Variants in TCF20 observed in about 807,000 individuals in gnomAD.
The protein encoded by TCF20 is transcription factor 20, also known as SPRE-binding protein.
In TCF20, 3 loss-of-function variants were observed where a neutral mutation model predicts 148.6. The ratio of observed to expected loss-of-function variants is 0.02; its 90% CI spans 0.01 to 0.05. The LOEUF (loss-of-function observed/expected upper bound fraction) is 0.05, where lower values mean the gene tolerates loss of function less well. TCF20 is among the 10% of genes least tolerant of loss of function. The pLI, the probability that TCF20 is intolerant of heterozygous loss-of-function variation, is 1.00. For missense variants in TCF20, 2,350 were observed against 2,429.3 expected (o/e 0.97, Z 0.69); for synonymous variants, 1,049 against 909.5 (o/e 1.15, Z -2.76).
Position 42,314,343 on chromosome 22 carries a change from G to A in TCF20, c.-37+29136C>T, listed in dbSNP as rs541074203. ...TTGACACGGACCAGCTGCCGCTGCC[G>A]GGGGACAGGCTGCCAGAGCGCCGAT... On this transcript the variant is annotated intron_variant, in intron 1 of 1. Transcript: ENST00000515426. Among the ~76,000 whole-genome samples, 18 of 152,376 alleles carry A rather than the reference G, an allele frequency of 1.2e-4. No homozygotes were observed. In the South Asian group the frequency reaches 2.7e-3, roughly 23 times the overall value.
At chr22:42,199,707 A>G (rs994412164) in intron 2 of TCF20, among the ~76,000 whole-genome samples, 13 of 45,686 alleles carry the variant, frequency 2.8e-4, no homozygotes, top group Admixed American at 1.2e-3. Flanking sequence ...CCATCTCTAC[A>G]AAAAAAAAAA....
At chr22:42,266,802 A>G (rs899231386) in intron 1 of TCF20, among the ~76,000 whole-genome samples, 7 of 152,110 alleles carry the variant, frequency 4.6e-5, no homozygotes, top group African/African-American at 1.7e-4. Context: ...AAAAAAGTAT[A>G]CCACTACTAG....
rs1442202859 is a variant in TCF20 at position 42,317,981 on chromosome 22, C to T, written c.-37+25498G>A. Among the ~76,000 whole-genome samples the T allele has an allele frequency of 6.6e-6, 1 of 152,080 alleles. No individual in the cohort carries two copies. Among genetic ancestry groups the T allele is most frequent in the Non-Finnish European group, 1.5e-5 (1 of 68,004 alleles). On this transcript the variant is annotated intron_variant, in intron 1 of 1. Transcript: ENST00000515426. This position sits in a 1 kb window ranked among gnomAD's most constrained non-coding sequence, Gnocchi z 4.2. ...CAGAGCCCTATGGGGCAGGCAGGCCCAGGCCCAGACAAGCCCCTGCACAGG... is the reference window on the plus strand; with the variant it reads ...CAGAGCCCTATGGGGCAGGCAGGCCTAGGCCCAGACAAGCCCCTGCACAGG...
chr22:42,170,275 G>T (rs188031911), intron 3 of TCF20, among the ~76,000 whole-genome samples: 2 of 150,220 alleles, frequency 1.3e-5, no homozygotes, highest in African/African-American at 2.5e-5. Context: ...GAGGCAGAAA[G>T]ATCACTTGAA....
At position 42,303,952 on chromosome 22, in the gene TCF20, G is replaced by A. The variant is rs1374999779; in HGVS notation, c.-37+39527C>T. On this transcript the variant is annotated intron_variant, in intron 1 of 1. Coordinates refer to the TCF20 transcript ENST00000515426. The stretch of plus-strand genomic sequence containing the variant: ...GGGAAGGGGAGGCAGGAGAAAGAGT[G>A]AAGAGGGGCCACTCTCTCCCAGGTG... Among the ~76,000 whole-genome samples, 3 of 151,940 alleles carry A rather than the reference G, an allele frequency of 2.0e-5. No individual in the cohort carries two copies. In the East Asian group the frequency reaches 5.8e-4, roughly 29 times the overall value.
At chr22:42,328,472 C>T (rs1240302908) in intron 1 of TCF20, among the ~76,000 whole-genome samples, 1 of 152,192 alleles carries the variant, frequency 6.6e-6, no homozygotes, top group Non-Finnish European at 1.5e-5. Context: ...AGCTCCCATC[C>T]GCAGCCCCCC....
chr22:42,197,549 C>G (rs768523144), intron 2 of TCF20, among the ~76,000 whole-genome samples: 12 of 152,116 alleles, frequency 7.9e-5, no homozygotes, highest in Admixed American at 3.9e-4. Flanking sequence ...GTCTCGATCT[C>G]CTGACCTTGT....
At chr22:42,271,541 C>T (rs1427885393), upstream of TCF20, among the ~76,000 whole-genome samples, 1 of 151,986 alleles carries the variant, frequency 6.6e-6, no homozygotes, top group Non-Finnish European at 1.5e-5. Flanking sequence ...ATGTTGGTGC[C>T]CCCACGGCCA....
chr22:42,321,001 C>CA (rs1308015999), intron 1 of TCF20, among the ~76,000 whole-genome samples: 1 of 152,090 alleles, frequency 6.6e-6, no homozygotes, highest in East Asian at 1.9e-4. Context: ...CAGGAAACTG[C>CA]AAAAAATGAG....
At position 42,338,153 on chromosome 22, in the gene TCF20, C is replaced by T. The variant is rs1601711840; in HGVS notation, c.-37+5326G>A. On this transcript the variant is annotated intron_variant, in intron 1 of 1. Coordinates refer to the TCF20 transcript ENST00000515426. The surrounding 1 kb of genome is among the most constrained non-coding windows in gnomAD (Gnocchi z 4.0). ...AACTCCCGCCTCGGTCTCCACGCGT[C>T]CCCTGAGATCCCCCACCGCCCTGGA... is the stretch of plus-strand genomic sequence containing the variant. Among the ~76,000 whole-genome samples, 1 of 152,344 alleles carries T rather than the reference C, an allele frequency of 6.6e-6. No homozygotes were observed. The highest frequency in any genetic ancestry group is 1.9e-4 in the East Asian group (1 of 5,180).
chr22:42,177,206 G>A (rs1385962748), intron 3 of TCF20, among the ~76,000 whole-genome samples: 1 of 152,094 alleles, frequency 6.6e-6, no homozygotes, highest in African/African-American at 2.4e-5. Flanking sequence ...CCTGAGGTCG[G>A]GAGTTTGAAA....
chr22:42,219,686 T>C (rs945029186), intron 1 of TCF20, among the ~76,000 whole-genome samples: 23 of 151,884 alleles, frequency 1.5e-4, no homozygotes, highest in Admixed American at 1.4e-3. Flanking sequence ...CGAAACCCTA[T>C]CTTTATAAAA....
At chr22:42,235,557 G>C (rs1923813317) in intron 1 of TCF20, among the ~76,000 whole-genome samples, 1 of 152,102 alleles carries the variant, frequency 6.6e-6, no homozygotes, top group Admixed American at 6.5e-5. Flanking sequence ...TAAGCGAAGT[G>C]AACAAAAAAT....
chr22:42,189,585 C>G (rs1937223322), intron 2 of TCF20, among the ~76,000 whole-genome samples: 3 of 152,172 alleles, frequency 2.0e-5, no homozygotes, highest in Admixed American at 2.0e-4. Flanking sequence ...TTTCCGTTGT[C>G]TTAGAGTTAT....
intron 3 of TCF20, among the ~76,000 whole-genome samples, chr22:42,179,065 T>C (rs1306240826): frequency 1.3e-5 from 2 of 148,314 alleles, no homozygotes; most frequent in Non-Finnish European, 3.0e-5. Flanking sequence ...GAAACACATA[T>C]GACAGCAAGT....
At chr22:42,324,226 G>GTTA (rs1232106225) in intron 1 of TCF20, among the ~76,000 whole-genome samples, 1 of 148,718 alleles carries the variant, frequency 6.7e-6, no homozygotes, top group African/African-American at 2.5e-5. Context: ...GGTGATGATG[G>GTTA]TGGTGATGGT....
At chr22:42,199,222 T>C (rs1285835092) in intron 2 of TCF20, among the ~76,000 whole-genome samples, 1 of 152,194 alleles carries the variant, frequency 6.6e-6, no homozygotes, top group African/African-American at 2.4e-5. Context: ...GGAGTTCAAA[T>C]GGGAACCCTG....
At chr22:42,173,901 G>A (rs1489640048) in intron 3 of TCF20, among the ~76,000 whole-genome samples, 2 of 152,164 alleles carry the variant, frequency 1.3e-5, no homozygotes, top group Non-Finnish European at 2.9e-5. Context: ...CTGTCTTGCT[G>A]GACACGCGGC....
At chr22:42,221,367 TCCTGAATGAAC>T (rs969231798) in intron 1 of TCF20, among the ~76,000 whole-genome samples, 2 of 152,206 alleles carry the variant, frequency 1.3e-5, no homozygotes, top group African/African-American at 2.4e-5. Flanking sequence ...ACTTCTCTTT[TCCTGAATGAAC>T]CCTGAATGAT....
Sources: allele counts gnomAD v4.1 joint callset (sites outside exome capture counted in the v4.1 genomes callset), GRCh38; gene constraint gnomAD v4.1.1; non-coding constraint Gnocchi (gnomAD v3.1); transcripts MANE v1.5; gene names NCBI Gene and HGNC (gene_info 2026-07-23, HGNC 2026-07-21).